The following HMGA2 variants were observed in gnomAD, a reference collection of about 807,000 sequenced individuals.
HMGA2 encodes high mobility group protein HMGI-C.
HMGA2 carries 8 observed loss-of-function variants against 19.1 expected under a neutral mutation model. The observed-to-expected ratio is 0.42, with a 90% CI of 0.25 to 0.76. The LOEUF (loss-of-function observed/expected upper bound fraction) is 0.76. Among genes scored for constraint, HMGA2 ranks in the 30% least tolerant of loss-of-function variants. The pLI, the probability that HMGA2 is intolerant of heterozygous loss-of-function variation, is 0.28. For synonymous variants in HMGA2, 60 were observed against 48.8 expected, an observed-to-expected ratio of 1.23 and a Z score of -0.96; for missense variants, 109 against 136.3, an observed-to-expected ratio of 0.80 and a Z score of 1.00.
chr12:65,857,408 A>G (rs569694466), intron 3 of HMGA2: 2 of 152,346 alleles, frequency 1.3e-5, no homozygotes, highest in South Asian at 4.1e-4. Flanking sequence ...GCCCCTAGCT[A>G]AGACAAAAAG....
chr12:65,932,713 G>A (rs1199379393), intron 3 of HMGA2, among the ~76,000 whole-genome samples: 2 of 152,160 alleles, frequency 1.3e-5, no homozygotes, highest in African/African-American at 2.4e-5. Flanking sequence ...TAGTACTACA[G>A]ATATGAGAGT....
intron 3 of HMGA2, chr12:65,882,277 AAG>A (rs1197281980): frequency 4.0e-6 from 1 of 247,122 alleles, no homozygotes; most frequent in African/African-American, 2.2e-5. Flanking sequence ...AACTGAGAGA[AAG>A]AGGAAGCCTC....
intron 2 of HMGA2, among the ~76,000 whole-genome samples, chr12:65,835,720 CTT>C (rs547675793): frequency 1.3e-5 from 2 of 152,120 alleles, no homozygotes; most frequent in Non-Finnish European, 2.9e-5. Context: ...AAACCTCTCT[CTT>C]CAATAGATTT....
chr12:65,950,981 T>A (rs918613283), intron 3 of HMGA2, among the ~76,000 whole-genome samples: 2 of 152,100 alleles, frequency 1.3e-5, no homozygotes, highest in Non-Finnish European at 1.5e-5. Flanking sequence ...CAGGCTGGAG[T>A]GCAGTGGCAT....
chr12:65,835,261 A>G (rs1870667565), intron 2 of HMGA2, among the ~76,000 whole-genome samples: 1 of 152,226 alleles, frequency 6.6e-6, no homozygotes, highest in Non-Finnish European at 1.5e-5. Flanking sequence ...CATTAAACAC[A>G]GGAAAACAAT....
chr12:65,892,551 A>G (rs1269174053), intron 3 of HMGA2, among the ~76,000 whole-genome samples: 2 of 152,256 alleles, frequency 1.3e-5, no homozygotes, highest in East Asian at 3.9e-4. Context: ...CTTGTTAGAC[A>G]TTTTTGTAAG....
intron 3 of HMGA2, among the ~76,000 whole-genome samples, chr12:65,849,734 G>GTTTTTTTTTTTT (rs1309933646): frequency 1.1e-4 from 11 of 102,030 alleles, no homozygotes; most frequent in Non-Finnish European, 1.2e-4. Context: ...GGTAGGCTCT[G>GTTTTTTTTTTTT]TATTTTTTTT....
intron 3 of HMGA2, among the ~76,000 whole-genome samples, chr12:65,864,978 C>T (rs1012335519): frequency 6.6e-6 from 1 of 152,110 alleles, no homozygotes; most frequent in Non-Finnish European, 1.5e-5. Context: ...CCTCTTCTCC[C>T]TCTTCTGCCT....
intron 3 of HMGA2, among the ~76,000 whole-genome samples, chr12:65,925,276 C>T (rs574803562): frequency 1.3e-5 from 2 of 152,268 alleles, no homozygotes; most frequent in East Asian, 1.9e-4. Context: ...TTCGCTCAAA[C>T]GTGTCCCAAA....
chr12:65,927,513 G>A (rs937438800), intron 3 of HMGA2, among the ~76,000 whole-genome samples: 1 of 152,286 alleles, frequency 6.6e-6, no homozygotes, highest in Admixed American at 6.5e-5. Flanking sequence ...GTTCAGTTTT[G>A]AGGAAGACAG....
At chr12:65,828,646 A>G (rs1341288503) in intron 2 of HMGA2, 1 of 167,840 alleles carries the variant, frequency 6.0e-6, no homozygotes, top group African/African-American at 2.4e-5. Flanking sequence ...TTGTGATAAT[A>G]AAGTATACTG....
In HMGA2 at chr12:65,865,885, G is replaced by A. The variant is rs140509402; in HGVS notation, c.249+27316G>A. On this transcript the variant is annotated intron_variant, in intron 3 of 4. Transcript: ENST00000403681. ...TGTCGATCTCCTGACCTCGTGATCT[G>A]CCCATCTTGGCCTCCCAATGTGCTG... 5.5e-3 allele frequency among the ~76,000 whole-genome samples: 828 copies of A among 150,698 alleles called. 43 individuals carry two copies. The East Asian group carries it at 0.11, about 20-fold the overall frequency.
At chr12:65,894,706 A>T in intron 3 of HMGA2, among the ~76,000 whole-genome samples, 1 of 152,234 alleles carries the variant, frequency 6.6e-6, no homozygotes, top group Non-Finnish European at 1.5e-5. Flanking sequence ...GTGCAAAAGT[A>T]AAGCTGACCT....
intron 3 of HMGA2, among the ~76,000 whole-genome samples, chr12:65,905,692 T>C (rs946594910): frequency 2.6e-5 from 4 of 152,204 alleles, no homozygotes; most frequent in Admixed American, 1.3e-4. Flanking sequence ...ATAAGGAATA[T>C]TTTTCTTTAA....
At chr12:65,840,021 C>T (rs1204821389) in intron 3 of HMGA2, among the ~76,000 whole-genome samples, 1 of 152,192 alleles carries the variant, frequency 6.6e-6, no homozygotes, top group Non-Finnish European at 1.5e-5. Context: ...GTATGTAACA[C>T]ATACTCCAGT....
chr12:65,957,497 CT>C (rs1257686730), intron 4 of HMGA2: 1 of 151,884 alleles, frequency 6.6e-6, no homozygotes, highest in Non-Finnish European at 1.5e-5. Flanking sequence ...AAAAAATTAC[CT>C]TCTTTTGAAT....
chr12:65,884,786 G>A (rs1000629930), intron 3 of HMGA2, among the ~76,000 whole-genome samples: 3 of 152,106 alleles, frequency 2.0e-5, no homozygotes, highest in Non-Finnish European at 4.4e-5. Context: ...ACTTGGACGC[G>A]TTTCTTAATC....
At chr12:65,895,634 G>A (rs192909917) in intron 3 of HMGA2, among the ~76,000 whole-genome samples, 1 of 152,258 alleles carries the variant, frequency 6.6e-6, no homozygotes, top group African/African-American at 2.4e-5. Context: ...GTTAGTTAGG[G>A]GGTTTCAGCA....
intron 3 of HMGA2, among the ~76,000 whole-genome samples, chr12:65,917,741 G>T (rs1311257917): frequency 2.0e-5 from 3 of 152,304 alleles, no homozygotes; most frequent in East Asian, 1.9e-4. Flanking sequence ...TGGAGCCCTA[G>T]ATCTGTGGGT....
Sources: gnomAD v4.1 joint callset for allele counts (sites outside exome capture counted in the v4.1 genomes callset) on GRCh38, gnomAD v4.1.1 for gene constraint, MANE v1.5 for transcripts, NCBI Gene and HGNC (gene_info 2026-07-23, HGNC 2026-07-21) for gene names.